AEBP2: variants seen among roughly 807,000 people sequenced by gnomAD.
AEBP2 encodes zinc finger protein AEBP2.
In AEBP2, 10 loss-of-function variants were observed where a neutral mutation model predicts 50.8. That is an observed-to-expected ratio of 0.20 (90% CI 0.12 to 0.33). The LOEUF (loss-of-function observed/expected upper bound fraction) is 0.33. Among genes scored for constraint, AEBP2 ranks in the 10% least tolerant of loss-of-function variants. The pLI is 1.00. For synonymous variants in AEBP2, 296 were observed against 261.3 expected (o/e 1.13, Z -1.28); for missense variants, 570 against 688.0 (o/e 0.83, Z 1.92).
intron 1 of AEBP2, chr12:19,457,237 G>T: frequency 2.5e-6 from 4 of 1,597,888 alleles, no homozygotes; most frequent in Non-Finnish European, 3.4e-6. Context: ...ATGCTCCTAG[G>T]TTTGTCCATT....
At chr12:19,447,795 G>A (rs1948099988) in intron 1 of AEBP2, among the ~76,000 whole-genome samples, 3 of 152,180 alleles carry the variant, frequency 2.0e-5, no homozygotes, top group Admixed American at 6.5e-5. Flanking sequence ...AGGAAATGTG[G>A]CAAATTGTTT....
At chr12:19,476,240 T>TACA (rs1308755445) in intron 3 of AEBP2, among the ~76,000 whole-genome samples, 4 of 152,222 alleles carry the variant, frequency 2.6e-5, no homozygotes, top group Non-Finnish European at 4.4e-5. Flanking sequence ...GATTTTTGTA[T>TACA]AAGGTGAGAA....
At chr12:19,480,389 G>C (rs1407421239) in intron 3 of AEBP2, among the ~76,000 whole-genome samples, 1 of 152,248 alleles carries the variant, frequency 6.6e-6, no homozygotes, top group Non-Finnish European at 1.5e-5. Context: ...ACAGGCATGG[G>C]CCACTGCGCC....
chr12:19,407,417 C>T (rs2095736914), intron 1 of AEBP2, among the ~76,000 whole-genome samples: 2 of 152,122 alleles, frequency 1.3e-5, no homozygotes, highest in African/African-American at 4.8e-5. Flanking sequence ...AATTCTCCTG[C>T]CTCAGCCTCC....
Position 19,493,249 on chromosome 12 carries a change from A to G in AEBP2, c.988-551A>G, listed in dbSNP as rs530965322. 2.1e-4 allele frequency among the ~76,000 whole-genome samples: 32 copies of G among 152,210 alleles called. 2 individuals are homozygous for G. In the South Asian group the frequency reaches 6.2e-3, roughly 30 times the overall value. ...AAACCATAGCTCTACTAAAAATACA[A>G]AATTAGCCAGGCATGGTAGCACACA... On this transcript the variant is annotated intron_variant, in intron 3 of 7. Coordinates refer to ENST00000266508, the MANE Select transcript of AEBP2 (RefSeq NM_153207.5).
chr12:19,501,514 G>A (rs1283417710), intron 5 of AEBP2, among the ~76,000 whole-genome samples: 1 of 152,008 alleles, frequency 6.6e-6, no homozygotes, highest in African/African-American at 2.4e-5. Context: ...GTGTGCACCT[G>A]TAGTCCCAGT....
intron 1 of AEBP2, among the ~76,000 whole-genome samples, chr12:19,427,750 A>G (rs979604043): frequency 1.2e-4 from 19 of 152,100 alleles, no homozygotes; most frequent in African/African-American, 4.6e-4. Flanking sequence ...TTTGGCTTTT[A>G]TAGTGAAGGA....
chr12:19,501,331 CA>C (rs568690588), intron 5 of AEBP2, among the ~76,000 whole-genome samples: 1,982 of 82,142 alleles, frequency 0.024, 33 homozygotes, highest in African/African-American at 0.067. Flanking sequence ...AACTCCATCT[CA>C]AAAAAAAAAA....
At position 19,439,564 on chromosome 12, in the gene AEBP2, C is replaced by T. The variant is rs1947901495; in HGVS notation, c.-136C>T. ...TCCGTAGCGCGTGTGCAGGCTGACG[C>T]AGCTCGCGGGCCCTCCTCCTGCTCT... is the stretch of plus-strand genomic sequence containing the variant. On this transcript the variant is annotated 5_prime_UTR_variant, in exon 1 of 8. Coordinates refer to ENST00000266508, the MANE Select transcript of AEBP2 (RefSeq NM_153207.5). The T allele has an allele frequency of 1.7e-6, 2 of 1,181,084 alleles. No homozygotes were observed. Among genetic ancestry groups the T allele is most frequent in the African/African-American group, 1.6e-5 (1 of 61,244 alleles). 73.2% of individuals were successfully genotyped at this position (1,181,084 alleles called of 1,614,324 possible).
intron 1 of AEBP2, among the ~76,000 whole-genome samples, chr12:19,455,158 T>C (rs1280503025): frequency 6.8e-6 from 1 of 148,116 alleles, no homozygotes; most frequent in East Asian, 1.9e-4. Flanking sequence ...CATGCCCAGC[T>C]AATTTTTTTT....
intron 1 of AEBP2, among the ~76,000 whole-genome samples, chr12:19,451,658 G>A (rs1052751206): frequency 6.6e-6 from 1 of 150,744 alleles, no homozygotes; most frequent in Non-Finnish European, 1.5e-5. Context: ...AGTTAAGGAT[G>A]GGGTCTTTCA....
chr12:19,514,624 T>C, intron 6 of AEBP2, 47 bp from the exon 7 acceptor site: 1 of 1,415,268 alleles, frequency 7.1e-7, no homozygotes, highest in Non-Finnish European at 9.7e-7. Context: ...GAAGTGTAAA[T>C]CTAAAATTAA....
rs150244682 is a variant in AEBP2 at position 19,406,404 on chromosome 12, C to T, written c.-17+2188C>T. The stretch of plus-strand genomic sequence containing the variant: ...TATCATACAAAATAGTTTAACTGCA[C>T]TAACAATCTTCAGATAAATAGACGC... On this transcript the variant is annotated intron_variant, in intron 1 of 3. Coordinates refer to the AEBP2 transcript ENST00000538425. Among the ~76,000 whole-genome samples the T allele has an allele frequency of 7.9e-5, 12 of 152,224 alleles. No individual in the cohort carries two copies. The East Asian group carries it at 2.1e-3, about 27-fold the overall frequency.
rs963205655 is a variant in AEBP2, at chr12:19,495,646, A to G, written c.1174+1660A>G. On this transcript the variant is annotated intron_variant, in intron 4 of 7. Coordinates refer to ENST00000266508, the MANE Select transcript of AEBP2 (RefSeq NM_153207.5). ...AGTTTCAGACTCCTGGGCTCAAGCAATTCTCCCACCTCAGCCTCCCAAGTA... is the reference window on the plus strand; with the variant it reads ...AGTTTCAGACTCCTGGGCTCAAGCAGTTCTCCCACCTCAGCCTCCCAAGTA... 7.1e-4 allele frequency among the ~76,000 whole-genome samples: 107 copies of G among 151,688 alleles called. 1 individual carries two copies. Among genetic ancestry groups the G allele is most frequent in the African/African-American group, 2.4e-3 (101 of 41,332 alleles).
At position 19,432,285 on chromosome 12, in the gene AEBP2, G is replaced by C. The variant is rs748066534; in HGVS notation, c.-17+28069G>C. 1.9e-4 allele frequency among the ~76,000 whole-genome samples: 29 copies of C among 152,116 alleles called. 1 individual carries two copies. Among genetic ancestry groups the C allele is most frequent in the Non-Finnish European group, 3.4e-4 (23 of 68,020 alleles). On this transcript the variant is annotated intron_variant, in intron 1 of 3. Transcript: ENST00000538425. Reference sequence around the variant, plus strand: ...AGAGCTCTGAGTAAAAACATAAAGGGCTGTTTCACTAAAAACCATATGATA... The same window carrying C: ...AGAGCTCTGAGTAAAAACATAAAGGCCTGTTTCACTAAAAACCATATGATA...
chr12:19,408,072 A>C (rs1236172976), intron 1 of AEBP2, among the ~76,000 whole-genome samples: 2 of 151,942 alleles, frequency 1.3e-5, no homozygotes, highest in Non-Finnish European at 2.9e-5. Flanking sequence ...AAAAAGTTTA[A>C]AATGTAAGGA....
intron 3 of AEBP2, among the ~76,000 whole-genome samples, chr12:19,484,412 G>C (rs140379109): frequency 1.3e-5 from 2 of 151,216 alleles, no homozygotes; most frequent in African/African-American, 2.4e-5. Context: ...GCTGTGCTCT[G>C]TTGCCAGGCT....
At chr12:19,429,542 G>A (rs190251079) in intron 1 of AEBP2, among the ~76,000 whole-genome samples, 255 of 152,328 alleles carry the variant, frequency 1.7e-3, no homozygotes, top group Non-Finnish European at 2.6e-3. Flanking sequence ...AGATCCCTGA[G>A]GAATCGCCAC....
intron 6 of AEBP2, among the ~76,000 whole-genome samples, chr12:19,512,689 C>T (rs971140808): frequency 8.6e-5 from 13 of 150,996 alleles, no homozygotes; most frequent in Admixed American, 6.6e-5. Flanking sequence ...TTGCTGGAGG[C>T]GGTGGCTCAC....
Sources: gnomAD v4.1 joint callset for allele counts (sites outside exome capture counted in the v4.1 genomes callset) on GRCh38, gnomAD v4.1.1 for gene constraint, MANE v1.5 for transcripts, NCBI Gene and HGNC (gene_info 2026-07-23, HGNC 2026-07-21) for gene names.